Variants in FSTL1 observed in about 807,000 individuals in gnomAD.
The protein encoded by FSTL1 is follistatin-related protein 1.
A neutral mutation model predicts 45.9 loss-of-function variants in FSTL1; 24 were observed. The ratio of observed to expected loss-of-function variants is 0.52; its 90% CI spans 0.38 to 0.74. FSTL1 has a LOEUF of 0.74. FSTL1 is among the 30% of genes least tolerant of loss of function. FSTL1 has a pLI of 0.00. For missense variants in FSTL1, 340 were observed against 381.8 expected (o/e 0.89, Z 0.91); for synonymous variants, 120 against 137.6 (o/e 0.87, Z 0.89).
rs528457247 is a variant in FSTL1 at position 120,437,618 on chromosome 3, CAT to C, written c.63+13064_63+13065del. On this transcript the variant is annotated intron_variant, in intron 2 of 10. Transcript: ENST00000295633. ...TGTGTATTCTGTATGTACACAGACA[CAT>C]ATCCATGCACACACACACACACACA... 1.5e-4 allele frequency among the ~76,000 whole-genome samples: 22 copies of C among 151,512 alleles called. No individual in the cohort carries two copies. The East Asian group carries it at 4.3e-3, about 30-fold the overall frequency.
intron 2 of FSTL1, among the ~76,000 whole-genome samples, chr3:120,420,602 T>C (rs970335817): frequency 3.3e-5 from 5 of 152,246 alleles, no homozygotes; most frequent in African/African-American, 1.2e-4. Context: ...GGAACATTCC[T>C]GACTTTTTAC....
intron 10 of FSTL1, among the ~76,000 whole-genome samples, chr3:120,398,924 T>G (rs1396501006): frequency 6.6e-6 from 1 of 152,200 alleles, no homozygotes; most frequent in African/African-American, 2.4e-5. Context: ...GACTAGAAGC[T>G]TTTGCTTCTG....
chr3:120,434,431 T>G (rs138531189), intron 2 of FSTL1, among the ~76,000 whole-genome samples: 3 of 152,162 alleles, frequency 2.0e-5, no homozygotes, highest in African/African-American at 7.2e-5. Context: ...AAACTTAGTT[T>G]ATGAGGTGAG....
intron 2 of FSTL1, among the ~76,000 whole-genome samples, chr3:120,447,754 T>C (rs1051280918): frequency 2.0e-5 from 3 of 152,214 alleles, no homozygotes; most frequent in Non-Finnish European, 2.9e-5. Flanking sequence ...GTTCAAGTGA[T>C]TTTCCTGCTT....
chr3:120,428,099 C>T (rs958986105), intron 2 of FSTL1, among the ~76,000 whole-genome samples: 1 of 152,118 alleles, frequency 6.6e-6, no homozygotes, highest in African/African-American at 2.4e-5. Flanking sequence ...ATTTCTAGAC[C>T]AGGAAAAAAG....
chr3:120,431,814 T>G (rs184828274), intron 2 of FSTL1, among the ~76,000 whole-genome samples: 63 of 152,350 alleles, frequency 4.1e-4, no homozygotes, highest in Admixed American at 1.8e-3. Flanking sequence ...AGAGATTATC[T>G]GAACATACAG....
At chr3:120,443,887 T>C (rs1937681521) in intron 2 of FSTL1, among the ~76,000 whole-genome samples, 1 of 149,984 alleles carries the variant, frequency 6.7e-6, no homozygotes, top group Non-Finnish European at 1.5e-5. Context: ...GGGAATTATT[T>C]TGTACTCCAA....
intron 2 of FSTL1, chr3:120,423,429 G>A (rs1937318659): frequency 6.6e-6 from 1 of 152,040 alleles, no homozygotes; most frequent in South Asian, 2.1e-4. Flanking sequence ...TAGCAGTATA[G>A]TAAGCACTTA....
chr3:120,413,582 A>T (rs763759426), intron 3 of FSTL1, among the ~76,000 whole-genome samples: 25 of 152,018 alleles, frequency 1.6e-4, no homozygotes, highest in Non-Finnish European at 3.5e-4. Context: ...ACAAATCAGG[A>T]TCCTTAACCT....
At chr3:120,429,011 G>A (rs1257504254) in intron 2 of FSTL1, among the ~76,000 whole-genome samples, 1 of 152,234 alleles carries the variant, frequency 6.6e-6, no homozygotes, top group Non-Finnish European at 1.5e-5. Flanking sequence ...TGCTGGCCAG[G>A]AAGAAAGTGG....
At chr3:120,411,173 TTGTC>T (rs1576212794) in intron 4 of FSTL1, 189 bp from the exon 5 acceptor site, 5 of 531,460 alleles carry the variant, frequency 9.4e-6, no homozygotes, top group Non-Finnish European at 1.7e-5. Flanking sequence ...GTCTCCTGCT[TTGTC>T]TGACAATTTA....
intron 10 of FSTL1, among the ~76,000 whole-genome samples, chr3:120,397,432 G>C (rs1482880697): frequency 2.0e-5 from 3 of 152,168 alleles, no homozygotes; most frequent in East Asian, 3.9e-4. Context: ...GAAATCTTCT[G>C]TGTCTCAATG....
intron 10 of FSTL1, 78 bp from the exon 11 acceptor site, chr3:120,397,074 T>C (rs1263326424): frequency 8.9e-7 from 1 of 1,124,898 alleles, no homozygotes. Flanking sequence ...CAAGACTATA[T>C]AGCATTGGCA....
At chr3:120,418,392 T>C (rs1222257411) in intron 2 of FSTL1, among the ~76,000 whole-genome samples, 1 of 152,210 alleles carries the variant, frequency 6.6e-6, no homozygotes, top group Non-Finnish European at 1.5e-5. Flanking sequence ...AACTCCCATT[T>C]ATAAATATCC....
At chr3:120,406,597 G>A (rs540806619) in intron 6 of FSTL1, among the ~76,000 whole-genome samples, 14 of 152,208 alleles carry the variant, frequency 9.2e-5, no homozygotes, top group Non-Finnish European at 1.8e-4. Context: ...CTCAACTCAT[G>A]AGGGTCCAGT....
chr3:120,420,864 A>C (rs1937263971), intron 2 of FSTL1, among the ~76,000 whole-genome samples: 1 of 152,212 alleles, frequency 6.6e-6, no homozygotes, highest in Admixed American at 6.5e-5. Flanking sequence ...TCCAGACTTT[A>C]ATCCCAGCCT....
chr3:120,403,978 A>C lies in FSTL1; in HGVS notation c.582-624T>G, dbSNP rs1533721. Among the ~76,000 whole-genome samples, 628 of 81,998 alleles carry C rather than the reference A, an allele frequency of 7.7e-3. 9 individuals carry two copies. Among genetic ancestry groups the C allele is most frequent in the African/African-American group, 0.018 (545 of 30,368 alleles). The allele number at this position is 81,998 out of a possible 152,430, so 53.8% of individuals were successfully genotyped here. A position where few individuals can be genotyped will look rare whatever the true frequency, so the allele number is the denominator to read the frequency against. On this transcript the variant is annotated intron_variant, in intron 7 of 10. Transcript: ENST00000295633. ...AAACAAAACAAAAACAAAAACAAAA[A>C]AAAACAAAAAACAAAACAAACAAAA...
intron 2 of FSTL1, among the ~76,000 whole-genome samples, chr3:120,446,208 C>T (rs1270637808): frequency 1.3e-5 from 2 of 152,218 alleles, no homozygotes; most frequent in East Asian, 3.8e-4. Context: ...CCTTTACTTC[C>T]TATTCTTGTG....
intron 10 of FSTL1, among the ~76,000 whole-genome samples, chr3:120,398,214 G>A (rs1936742378): frequency 6.6e-6 from 1 of 152,130 alleles, no homozygotes; most frequent in Admixed American, 6.5e-5. Context: ...CTTTAAAGGG[G>A]TGAATTTTAT....
Sources: allele counts gnomAD v4.1 joint callset (sites outside exome capture counted in the v4.1 genomes callset), GRCh38; gene constraint gnomAD v4.1.1; transcripts MANE v1.5; gene names NCBI Gene and HGNC (gene_info 2026-07-23, HGNC 2026-07-21).